Variants in LYRM4 observed in about 807,000 individuals in gnomAD.
LYRM4 encodes the protein LYR motif-containing protein 4.
A neutral mutation model predicts 11.7 loss-of-function variants in LYRM4; 9 were observed. The ratio of observed to expected loss-of-function variants is 0.77; its 90% confidence interval spans 0.46 to 1.34. The LOEUF (loss-of-function observed/expected upper bound fraction) is 1.34. LYRM4 is among the 40% of genes most tolerant of loss of function. LYRM4 has a pLI of 0.00. For synonymous variants in LYRM4, 42 were observed against 40.4 expected, an observed-to-expected ratio of 1.04 and a Z score of -0.15; for missense variants, 133 against 112.5, an observed-to-expected ratio of 1.18 and a Z score of -0.82.
chr6:5,156,227 G>A (rs1284265293), intron 2 of LYRM4, among the ~76,000 whole-genome samples: 3 of 152,198 alleles, frequency 2.0e-5, no homozygotes, highest in African/African-American at 7.2e-5. Flanking sequence ...TGAAGCTGAG[G>A]CTCACAGCCC....
At chr6:5,131,476 G>C (rs1194017469) in intron 2 of LYRM4, among the ~76,000 whole-genome samples, 2 of 152,284 alleles carry the variant, frequency 1.3e-5, no homozygotes, top group Middle Eastern at 3.4e-3. Flanking sequence ...AAGGCAGGAG[G>C]ATCACTTGAG....
At chr6:5,259,329 G>T in intron 1 of LYRM4, among the ~76,000 whole-genome samples, 1 of 150,832 alleles carries the variant, frequency 6.6e-6, no homozygotes. Context: ...TAGGTGTTTG[G>T]TTAATTCTTG....
At chr6:5,245,149 T>C (rs1366089102) in intron 1 of LYRM4, among the ~76,000 whole-genome samples, 1 of 84,406 alleles carries the variant, frequency 1.2e-5, no homozygotes, top group Non-Finnish European at 2.2e-5. Context: ...TATATATATA[T>C]ATATATATAT....
chr6:5,034,753 CT>C, the LYRM4 span: 49 of 93,878 alleles, frequency 5.2e-4, 1 homozygote, highest in Non-Finnish European at 6.5e-4. Context: ...TACAGCAATG[CT>C]TTTTTTTTTT....
chr6:5,130,389 G>A (rs1763897901), intron 2 of LYRM4, among the ~76,000 whole-genome samples: 1 of 152,232 alleles, frequency 6.6e-6, no homozygotes, highest in Admixed American at 6.5e-5. Flanking sequence ...TGTTCGTCAG[G>A]CTGGCATTGC....
chr6:5,259,260 T>C (rs1764828884), intron 1 of LYRM4, among the ~76,000 whole-genome samples: 1 of 152,220 alleles, frequency 6.6e-6, no homozygotes, highest in African/African-American at 2.4e-5. Context: ...ATGGTTTCTA[T>C]TTATTTAACT....
intron 1 of LYRM4, chr6:5,218,218 T>C: frequency 1.0e-6 from 1 of 981,600 alleles, no homozygotes; most frequent in South Asian, 4.7e-5. Flanking sequence ...TCTCGTCTTC[T>C]TAATGATCAC....
chr6:5,046,305 C>A, the LYRM4 span, among the ~76,000 whole-genome samples: 3 of 152,102 alleles, frequency 2.0e-5, no homozygotes, highest in Non-Finnish European at 4.4e-5. Flanking sequence ...CGCCACCACA[C>A]CCGGCTAATT....
chr6:5,168,492 C>T (rs187953021), intron 2 of LYRM4, among the ~76,000 whole-genome samples: 2 of 152,258 alleles, frequency 1.3e-5, no homozygotes, highest in African/African-American at 4.8e-5. Flanking sequence ...CAATGAGACA[C>T]GTCCAGACTG....
chr6:5,168,897 C>T (rs1001721698), intron 2 of LYRM4, among the ~76,000 whole-genome samples: 22 of 151,980 alleles, frequency 1.4e-4, no homozygotes, highest in African/African-American at 5.1e-4. Context: ...GCAAGAGTGA[C>T]GGTGATAAAG....
chr6:5,238,632 G>A (rs1276502183), intron 1 of LYRM4, among the ~76,000 whole-genome samples: 1 of 152,168 alleles, frequency 6.6e-6, no homozygotes, highest in Non-Finnish European at 1.5e-5. Flanking sequence ...TTAATTCAGT[G>A]AGAGTGGTGA....
chr6:5,158,323 T>C (rs1295953377), intron 2 of LYRM4, among the ~76,000 whole-genome samples: 1 of 152,168 alleles, frequency 6.6e-6, no homozygotes, highest in Non-Finnish European at 1.5e-5. Context: ...CAAGTATTCT[T>C]GGCAATAAAA....
chr6:5,181,023 C>A (rs772371353), intron 2 of LYRM4, among the ~76,000 whole-genome samples: 2 of 152,220 alleles, frequency 1.3e-5, no homozygotes, highest in Non-Finnish European at 2.9e-5. Flanking sequence ...AGACTTTATG[C>A]ACAGAGTTTT....
At chr6:5,107,294 G>A (rs934633972), downstream of LYRM4, 2 of 152,230 alleles carry the variant, frequency 1.3e-5, no homozygotes, top group African/African-American at 4.8e-5. Context: ...GTAAAACCTG[G>A]GGGAGTGGGA....
intron 2 of LYRM4, among the ~76,000 whole-genome samples, chr6:5,160,474 G>A (rs1758688209): frequency 6.6e-6 from 1 of 151,984 alleles, no homozygotes; most frequent in South Asian, 2.1e-4. Flanking sequence ...CTGTTCTTGT[G>A]GTAGTGACTA....
At chr6:5,218,948 T>C (rs17139811) in intron 1 of LYRM4, among the ~76,000 whole-genome samples, 27,019 of 152,244 alleles carry the variant, frequency 0.18, 2,952 homozygotes, top group Middle Eastern at 0.29. Context: ...AGTTTCTTTT[T>C]TGGCAATGAT....
chr6:5,038,895 A>T, the LYRM4 span, among the ~76,000 whole-genome samples: 2 of 112,326 alleles, frequency 1.8e-5, 1 homozygote, highest in African/African-American at 8.2e-5. Context: ...AGAGAGAGGG[A>T]GAGGGAGAGG....
At chr6:5,078,761 G>A in the LYRM4 span, among the ~76,000 whole-genome samples, 1 of 152,098 alleles carries the variant, frequency 6.6e-6, no homozygotes, top group Non-Finnish European at 1.5e-5. Context: ...AGGTGCTATA[G>A]AACTTGATCC....
chr6:5,222,550 A>G (rs932128154), intron 1 of LYRM4, among the ~76,000 whole-genome samples: 1 of 152,142 alleles, frequency 6.6e-6, no homozygotes, highest in Admixed American at 6.5e-5. Flanking sequence ...AAAGGGCCCA[A>G]GGGGACTGGT....
Sources: gnomAD v4.1 joint callset for allele counts (sites outside exome capture counted in the v4.1 genomes callset) on GRCh38, gnomAD v4.1.1 for gene constraint, MANE v1.5 for transcripts, NCBI Gene and HGNC (gene_info 2026-07-23, HGNC 2026-07-21) for gene names.